Variants in CMBL observed in about 807,000 individuals in gnomAD.
CMBL encodes carboxymethylenebutenolidase homolog (Pseudomonas).
Under a neutral mutation model 28.7 loss-of-function variants are expected in CMBL, and 17 were observed. The observed-to-expected ratio is 0.59, with a 90% CI of 0.41 to 0.89. The LOEUF is 0.89. Ranked by LOEUF, CMBL falls within the 40% of genes least tolerant of loss-of-function variation. CMBL has a pLI of 0.00. For synonymous variants in CMBL, 106 were observed against 101.6 expected (o/e 1.04, Z -0.26); for missense variants, 310 against 298.5 (o/e 1.04, Z -0.28).
intron 1 of CMBL, chr5:10,307,258 G>A (rs2126568129): frequency 6.6e-6 from 1 of 152,324 alleles, no homozygotes; most frequent in East Asian, 1.9e-4. Flanking sequence ...ACTGCAGGAA[G>A]AGAGTTACAA....
chr5:10,286,920 C>A (rs1746614783), intron 3 of CMBL, among the ~76,000 whole-genome samples: 1 of 152,202 alleles, frequency 6.6e-6, no homozygotes. Context: ...TCTCCTCTCT[C>A]CCATGAGCAG....
chr5:10,282,339 A>G (rs1423933307), intron 4 of CMBL, 51 bp from the exon 5 acceptor site: 2 of 1,052,208 alleles, frequency 1.9e-6, no homozygotes, highest in Admixed American at 3.4e-5. Flanking sequence ...CTCATGCCAC[A>G]TGATCCCCAC....
intron 3 of CMBL, 21 bp from the exon 4 acceptor site, chr5:10,286,517 A>T (rs1474344375): frequency 6.2e-7 from 1 of 1,607,432 alleles, no homozygotes. Flanking sequence ...AAGAAAAAAT[A>T]TTCAAGAATC....
rs968170480 is a variant in CMBL, at chr5:10,279,560, G to A, written c.*893C>T. The A allele has an allele frequency of 7.7e-6, 1 of 130,210 alleles. No individual in the cohort carries two copies. The highest frequency in any genetic ancestry group is 2.9e-5 in the African/African-American group (1 of 34,266). 8.1% of individuals were successfully genotyped at this position (130,210 alleles called of 1,614,324 possible). On this transcript the variant is annotated 3_prime_UTR_variant, in exon 6 of 6. Coordinates refer to ENST00000296658, the MANE Select transcript of CMBL (RefSeq NM_138809.4). ...CAGCTGTAGGTTTTTTTTTTTTTTTGAGACAGAGTCTCCCTCTGTTGTCCA... is the reference window on the plus strand; with the variant it reads ...CAGCTGTAGGTTTTTTTTTTTTTTTAAGACAGAGTCTCCCTCTGTTGTCCA...
intron 4 of CMBL, among the ~76,000 whole-genome samples, chr5:10,284,082 T>C (rs540472855): frequency 6.6e-5 from 10 of 152,224 alleles, no homozygotes; most frequent in Non-Finnish European, 1.3e-4. Context: ...TTCCCCACTC[T>C]AGCAAAGCTA....
chr5:10,304,283 C>G (rs546027200), intron 1 of CMBL, among the ~76,000 whole-genome samples: 4 of 152,138 alleles, frequency 2.6e-5, no homozygotes, highest in Non-Finnish European at 5.9e-5. Context: ...CTAGGAGGAG[C>G]ACTTGGGCCC....
chr5:10,286,199 A>G, intron 4 of CMBL, 155 bp downstream of exon 4: 3 of 705,188 alleles, frequency 4.3e-6, no homozygotes, highest in Non-Finnish European at 6.7e-6. Flanking sequence ...ACAAACCTCC[A>G]CCTCTATTTT....
chr5:10,299,925 G>T (rs1281501246), intron 1 of CMBL, among the ~76,000 whole-genome samples: 2 of 152,172 alleles, frequency 1.3e-5, no homozygotes, highest in African/African-American at 4.8e-5. Context: ...CCACTAATAT[G>T]ATGACAACAC....
In CMBL at chr5:10,290,656, T is replaced by C; in HGVS notation, c.107A>G (p.Lys36Arg). The change falls in exon 2 of 6, where the codon AAA becomes AGA. Residue 36 changes from lysine to arginine, a missense_variant. By Grantham distance (26) the Lys-to-Arg change is conservative. Transcript: ENST00000296658. Reference sequence around the variant, plus strand: ...AGCTTTGCCTGCATCAACGGGGGATTTGGTGACATAAGCCTTGATGTGCTC... The same window carrying C: ...AGCTTTGCCTGCATCAACGGGGGATCTGGTGACATAAGCCTTGATGTGCTC... ...QVEHIKAYVT[K>R]SPVDAGKAVI... 6.2e-7 allele frequency: 1 copy of C among 1,614,210 alleles called. No homozygotes were observed. The highest frequency in any genetic ancestry group is 8.5e-7 in the Non-Finnish European group (1 of 1,180,034).
chr5:10,297,398 C>T (rs1579476452), intron 1 of CMBL, among the ~76,000 whole-genome samples: 2 of 151,896 alleles, frequency 1.3e-5, no homozygotes, highest in African/African-American at 4.8e-5. Flanking sequence ...GGGGAAACCC[C>T]GTCTCTACTA....
rs1382115866 is a variant in CMBL, at chr5:10,282,283, C to T, written c.472G>A (p.Val158Ile). ...TTGTAAATGTCTTCAGAATCCTTGA[C>T]AATGCCTGAAAAACAAGCACAGAGG... ...FRAGVSVYGI[V>I]KDSEDIYNLK... The change falls in exon 5 of 6, where the codon GTC (valine) becomes ATC (isoleucine). Residue 158 changes from valine (V) to isoleucine (I), a missense_variant. Coordinates refer to ENST00000296658, the MANE Select transcript of CMBL (RefSeq NM_138809.4). 10 of 1,598,970 alleles carry T rather than the reference C, an allele frequency of 6.3e-6. No homozygotes were observed. Among genetic ancestry groups the T allele is most frequent in the Non-Finnish European group, 6.9e-6 (8 of 1,166,096 alleles).
intron 1 of CMBL, among the ~76,000 whole-genome samples, chr5:10,291,213 G>A (rs942061156): frequency 3.4e-4 from 51 of 152,228 alleles, no homozygotes; most frequent in African/African-American, 1.2e-3. Context: ...CATGAGACGG[G>A]AATTTGTAAG....
At chr5:10,301,502 G>C (rs1251307343) in intron 1 of CMBL, among the ~76,000 whole-genome samples, 3 of 152,068 alleles carry the variant, frequency 2.0e-5, no homozygotes, top group Admixed American at 6.5e-5. Context: ...AAGGGGTGGG[G>C]GCGCGTGGGG....
chr5:10,296,282 G>C (rs1171744173), intron 1 of CMBL, among the ~76,000 whole-genome samples: 1 of 152,168 alleles, frequency 6.6e-6, no homozygotes, highest in East Asian at 1.9e-4. Flanking sequence ...CTGTATGTGG[G>C]TTTGGTTTGT....
intron 3 of CMBL, 150 bp downstream of exon 3, chr5:10,288,271 AT>A: frequency 4.9e-6 from 3 of 612,416 alleles, no homozygotes; most frequent in South Asian, 3.8e-5. Context: ...ACAAAAAAAA[AT>A]TTTTTCTCCT....
intron 1 of CMBL, among the ~76,000 whole-genome samples, chr5:10,300,564 T>A (rs1023486805): frequency 2.2e-4 from 34 of 151,906 alleles, no homozygotes; most frequent in Non-Finnish European, 4.4e-5. Context: ...CTTTGAGAGG[T>A]CGAGGCATGG....
rs572501951 is a variant in CMBL, at chr5:10,306,557, A to G, written c.-20+1068T>C. On this transcript the variant is annotated intron_variant, in intron 1 of 5. Coordinates refer to ENST00000296658, the MANE Select transcript of CMBL (RefSeq NM_138809.4). ...GGGCTCAGGGTTACAGAGGACCCCA[A>G]GACAACACAGGAAAGTGGGGTCTAA... 4.6e-5 allele frequency among the ~76,000 whole-genome samples: 7 copies of G among 152,290 alleles called. No individual in the cohort carries two copies. In the South Asian group the frequency reaches 1.4e-3, roughly 32 times the overall value.
chr5:10,288,400 G>C, intron 3 of CMBL, 22 bp downstream of exon 3: 1 of 1,568,794 alleles, frequency 6.4e-7, no homozygotes, highest in Non-Finnish European at 8.8e-7. Context: ...CGTGCACATG[G>C]CCACGTCTGC....
At chr5:10,294,019 G>A (rs994147106) in intron 1 of CMBL, among the ~76,000 whole-genome samples, 2 of 152,148 alleles carry the variant, frequency 1.3e-5, no homozygotes, top group Admixed American at 1.3e-4. Context: ...GGAGGCGAGG[G>A]GTGGTGCCCT....
Sources: allele counts gnomAD v4.1 joint callset (sites outside exome capture counted in the v4.1 genomes callset), GRCh38; gene constraint gnomAD v4.1.1; transcripts MANE v1.5; gene names NCBI Gene and HGNC (gene_info 2026-07-23, HGNC 2026-07-21).